KRT17: variants seen among roughly 807,000 people sequenced by gnomAD.
KRT17 encodes the protein keratin 17.
In KRT17, 29 loss-of-function variants were observed where a neutral mutation model predicts 45.6. That is an observed-to-expected ratio of 0.64 (90% CI 0.47 to 0.87). The LOEUF (loss-of-function observed/expected upper bound fraction) is 0.87, where lower values mean the gene tolerates loss of function less well. Among genes scored for constraint, KRT17 ranks in the 40% least tolerant of loss-of-function variants. The pLI is 0.00. For synonymous variants in KRT17, 219 were observed against 234.6 expected, an observed-to-expected ratio of 0.93 and a Z score of 0.61; for missense variants, 536 against 577.8, an observed-to-expected ratio of 0.93 and a Z score of 0.74.
intron 1 of KRT17, 86 bp from the exon 2 acceptor site, chr17:41,623,118 G>A (rs1183365936): frequency 1.9e-6 from 2 of 1,033,694 alleles, no homozygotes; most frequent in Non-Finnish European, 3.1e-6. Context: ...CTGCCTCAGG[G>A]CCTCTCTTCT....
intron 6 of KRT17, 50 bp downstream of exon 6, chr17:41,620,609 C>A (rs540441851): frequency 2.5e-6 from 4 of 1,611,490 alleles, no homozygotes; most frequent in South Asian, 1.1e-5. Context: ...TCTGAGAGCC[C>A]CACCCCTGCC....
At chr17:41,620,508 C>G (rs1383629214) in intron 7 of KRT17, 28 bp downstream of exon 7, 1 of 1,611,850 alleles carries the variant, frequency 6.2e-7, no homozygotes, top group African/African-American at 1.3e-5. Context: ...CACCCAACCC[C>G]CAGGGCCGAA....
At position 41,624,442 on chromosome 17, in the gene KRT17, C is replaced by G. The variant is rs1309344989; in HGVS notation, c.68G>C (p.Gly23Ala). 3 of 1,610,216 alleles carry G rather than the reference C, an allele frequency of 1.9e-6. No individual in the cohort carries two copies. The highest frequency in any genetic ancestry group is 1.1e-5 in the South Asian group (1 of 90,900). The change falls in exon 1 of 8, where the codon GGC becomes GCC. Residue 23 changes from glycine to alanine, a missense_variant. Gly to Ala is a moderately conservative substitution (Grantham distance 60). Transcript: ENST00000311208. ...SIKGSSGLGG[G>A]SSRTSCRLSG... ...CAGCCGGCAGGAGGTGCGGGACGAGCCGCCCCCCAGGCCGGAGGAGCCCTT... is the reference window on the plus strand; with the variant it reads ...CAGCCGGCAGGAGGTGCGGGACGAGGCGCCCCCCAGGCCGGAGGAGCCCTT...
At position 41,621,014 on chromosome 17, in the gene KRT17, C is replaced by A; in HGVS notation, c.912G>T (p.Arg304=). 6.2e-7 allele frequency: 1 copy of A among 1,613,828 alleles called. No individual in the cohort carries two copies. The highest frequency in any genetic ancestry group is 8.5e-7 in the Non-Finnish European group (1 of 1,179,930). Residue 304 remains arginine (R), a synonymous_variant, in exon 5 of 8, where the codon CGG becomes CGT. Transcript: ENST00000311208. ...QSGKSEISEL[R]RTMQALEIEL... is the part of the protein sequence containing the mutation. ...CTATCTCCAAGGCCTGCATGGTGCGCCGGAGCTCCGAGATCTCACTCTTGC... is the reference window on the plus strand; with the variant it reads ...CTATCTCCAAGGCCTGCATGGTGCGACGGAGCTCCGAGATCTCACTCTTGC...
In KRT17 at chr17:41,619,524, C is replaced by CG; in HGVS notation, c.*69dup. ...AGCAGGGGGCTGAGGCTGGAGAGGC[C>CG]GGAGACTGTGGGGCAGATGGGGCGG... On this transcript the variant is annotated 3_prime_UTR_variant, in exon 8 of 8. Transcript: ENST00000311208. 16 of 1,611,000 alleles carry CG rather than the reference C, an allele frequency of 9.9e-6. No individual in the cohort carries two copies. Among genetic ancestry groups the CG allele is most frequent in the Non-Finnish European group, 1.4e-5 (16 of 1,179,482 alleles).
rs1020074193 is a variant in KRT17 at position 41,622,830 on chromosome 17, G to A, written c.515+120C>T. ...ACTAAGGAGTGGGGCTCCTAGGACT[G>A]CCCCACCCTGAGCTCCTGGGCCTTG... is the stretch of plus-strand genomic sequence containing the variant. On this transcript the variant is annotated intron_variant, in intron 2 of 7. Coordinates refer to ENST00000311208, the MANE Select transcript of KRT17 (RefSeq NM_000422.3). The A allele has an allele frequency of 2.3e-5, 20 of 884,602 alleles. No homozygotes were observed. In the African/African-American group the frequency reaches 3.0e-4, roughly 13 times the overall value. 54.8% of individuals were successfully genotyped at this position (884,602 alleles called of 1,614,324 possible).
rs779021627 is a variant in KRT17, at chr17:41,621,722, A to G, written c.705T>C (p.Gly235=). ...CAGCGTCCATCTCCACATTGATCTCACCACCCACCTGGCCTCGCAGGGCGT... is the reference window on the plus strand; with the variant it reads ...CAGCGTCCATCTCCACATTGATCTCGCCACCCACCTGGCCTCGCAGGGCGT... ...EMNALRGQVG[G]EINVEMDAAP... Residue 235 remains glycine (G), a synonymous_variant, in exon 4 of 8, where the codon GGT becomes GGC. Transcript: ENST00000311208. 2 of 1,611,814 alleles carry G rather than the reference A, an allele frequency of 1.2e-6. No individual in the cohort carries two copies. The highest frequency in any genetic ancestry group is 3.3e-5 in the Admixed American group (2 of 59,994).
At position 41,622,384 on chromosome 17, in the gene KRT17, G is replaced by T. The variant is rs1908571884; in HGVS notation, c.643C>A (p.Leu215Met). ...TCGTGGTTCTTCTTCAGGTAGGCCA[G>T]CTCCTCCTTGAGGTTCTCAATCTGC... ...EMQIENLKEE[L>M]AYLKKNHEEE... Residue 215 changes from leucine to methionine, a missense_variant, in exon 3 of 8, where the codon CTG becomes ATG. Transcript: ENST00000311208. 1.2e-6 allele frequency: 2 copies of T among 1,613,694 alleles called. No individual in the cohort carries two copies.
Position 41,620,013 on chromosome 17 carries a change from A to C in KRT17, c.1205-325T>G, listed in dbSNP as rs114634337. On this transcript the variant is annotated intron_variant, in intron 7 of 7. Transcript: ENST00000311208. ...TCCATTTCTCTGCAGTCTCTAGGAC[A>C]TAGATTTTCTACCATCTCCCCCATC... 6.9e-3 allele frequency: 6,784 copies of C among 985,336 alleles called. 327 individuals carry two copies. In the African/African-American group the frequency reaches 0.11, roughly 15 times the overall value. The allele number at this position is 985,336 out of a possible 1,614,324, so 61.0% of individuals were successfully genotyped here. A position where few individuals can be genotyped will look rare whatever the true frequency, so the allele number is the denominator to read the frequency against.
At position 41,621,744 on chromosome 17, in the gene KRT17, G is replaced by A. The variant is rs979951170; in HGVS notation, c.683C>T (p.Ala228Val). 6.2e-7 allele frequency: 1 copy of A among 1,611,910 alleles called. No individual in the cohort carries two copies. The highest frequency in any genetic ancestry group is 1.3e-5 in the African/African-American group (1 of 74,848). ...CTCACCACCCACCTGGCCTCGCAGG[G>A]CGTTCATCTCCTATGGAAAAAGGGG... The part of the protein sequence containing the change: ...LKKNHEEEMN[A>V]LRGQVGGEIN... The change falls in exon 4 of 8, where the codon GCC becomes GTC. Residue 228 changes from alanine (A) to valine (V), a missense_variant. Physicochemically the swap from Ala to Val is moderately conservative, Grantham distance 64. Coordinates refer to ENST00000311208, the MANE Select transcript of KRT17 (RefSeq NM_000422.3).
Position 41,621,589 on chromosome 17 carries a change from C to A in KRT17, c.834+4G>T, listed in dbSNP as rs1278117043. On this transcript the variant is annotated splice_donor_region_variant and intron_variant, in intron 4 of 7. Coordinates refer to ENST00000311208, the MANE Select transcript of KRT17 (RefSeq NM_000422.3). ...AGAGCCCTCTGGCCTGCAGCACCCC[C>A]CACCTTGCTGAAGAACCAATCCTCG... 1 of 1,611,944 alleles carries A rather than the reference C, an allele frequency of 6.2e-7. No homozygotes were observed. Among genetic ancestry groups the A allele is most frequent in the African/African-American group, 1.3e-5 (1 of 74,868 alleles).
chr17:41,619,982 T>A (rs1908483162), intron 7 of KRT17: 22 of 985,240 alleles, frequency 2.2e-5, no homozygotes, highest in Non-Finnish European at 2.5e-5. Context: ...CTCCATGAAA[T>A]CCGTCTCCAT....
At chr17:41,623,437 A>G (rs1411830203) in intron 1 of KRT17, among the ~76,000 whole-genome samples, 1 of 152,194 alleles carries the variant, frequency 6.6e-6, no homozygotes, top group African/African-American at 2.4e-5. Context: ...AGGAGGCTAA[A>G]GGAGCCCTCA....
chr17:41,621,933 A>ACTC (rs971316318), intron 3 of KRT17, 179 bp from the exon 4 acceptor site: 6 of 690,738 alleles, frequency 8.7e-6, no homozygotes, highest in Non-Finnish European at 1.5e-5. Context: ...CCACCATCAG[A>ACTC]CTCTATCTCC....
Position 41,620,516 on chromosome 17 carries a change from G to A in KRT17, c.1204+20C>T, listed in dbSNP as rs191217038. On this transcript the variant is annotated intron_variant, in intron 7 of 7. Coordinates refer to ENST00000311208, the MANE Select transcript of KRT17 (RefSeq NM_000422.3). ...TCCCATGCACCCAACCCCCAGGGCC[G>A]AAGCCACGCAGATACTTACGTTCTT... The A allele has an allele frequency of 2.6e-4, 412 of 1,611,810 alleles. 2 individuals carry two copies. In the East Asian group the frequency reaches 6.9e-3, roughly 27 times the overall value.
chr17:41,623,139 C>T, intron 1 of KRT17, 107 bp from the exon 2 acceptor site: 1 of 855,386 alleles, frequency 1.2e-6, no homozygotes, highest in East Asian at 2.5e-5. Context: ...CGCCCAGCCC[C>T]TCCCTTGCCC....
In KRT17 at chr17:41,624,090, C is replaced by T; in HGVS notation, c.420G>A (p.Glu140=). ...CAGCAGGCCCTACCTTGTTCTGCAG[C>T]TCCTCAATTGTCCTGTAGTACTGGC... ...DYSQYYRTIE[E]LQNKILTATV... Residue 140 remains glutamate, a synonymous_variant, in exon 1 of 8, where the codon GAG becomes GAA. Coordinates refer to ENST00000311208, the MANE Select transcript of KRT17 (RefSeq NM_000422.3). 12 of 1,612,130 alleles carry T rather than the reference C, an allele frequency of 7.4e-6. No individual in the cohort carries two copies. Among genetic ancestry groups the T allele is most frequent in the African/African-American group, 1.3e-5 (1 of 74,986 alleles).
chr17:41,619,977 T>G (rs1262081630), intron 7 of KRT17: 1 of 985,292 alleles, frequency 1.0e-6, no homozygotes, highest in Non-Finnish European at 1.2e-6. Flanking sequence ...GTAGACTCCA[T>G]GAAATCCGTC....
chr17:41,620,230 T>C lies in KRT17; in HGVS notation c.1204+306A>G, dbSNP rs925033797. ...ATCCAAAAGCTGTCAAGAGCAAAGA[T>C]CATGAGACCATGTTCCTATCTTCCC... On this transcript the variant is annotated intron_variant, in intron 7 of 7. Coordinates refer to ENST00000311208, the MANE Select transcript of KRT17 (RefSeq NM_000422.3). 4 of 985,158 alleles carry C rather than the reference T, an allele frequency of 4.1e-6. No homozygotes were observed. The African/African-American group carries it at 7.0e-5, about 17-fold the overall frequency. 61.0% of individuals were successfully genotyped at this position (985,158 alleles called of 1,614,324 possible).
Sources: allele counts gnomAD v4.1 joint callset (sites outside exome capture counted in the v4.1 genomes callset), GRCh38; gene constraint gnomAD v4.1.1; transcripts MANE v1.5; gene names NCBI Gene and HGNC (gene_info 2026-07-23, HGNC 2026-07-21).